The following USP40 variants were observed in gnomAD, a reference collection of about 807,000 sequenced individuals.
The protein encoded by USP40 is ubiquitin carboxyl-terminal hydrolase 40.
Under a neutral mutation model 166.2 loss-of-function variants are expected in USP40, and 143 were observed. That is an observed-to-expected ratio of 0.86 (90% CI 0.75 to 0.99). The LOEUF (loss-of-function observed/expected upper bound fraction) is 0.99. USP40 is among the 50% of genes least tolerant of loss of function. The pLI is 0.00. For synonymous variants in USP40, 498 were observed against 524.0 expected, an observed-to-expected ratio of 0.95 and a Z score of 0.68; for missense variants, 1,444 against 1,479.7, an observed-to-expected ratio of 0.98 and a Z score of 0.40.
At chr2:233,524,855 C>T (rs899516027) in intron 14 of USP40, among the ~76,000 whole-genome samples, 2 of 152,188 alleles carry the variant, frequency 1.3e-5, no homozygotes, top group African/African-American at 4.8e-5. Context: ...ATGGTCCCAA[C>T]TCCACCGATA....
At chr2:233,491,940 T>C (rs570936569) in intron 25 of USP40, among the ~76,000 whole-genome samples, 150 of 152,352 alleles carry the variant, frequency 9.8e-4, no homozygotes, top group South Asian at 6.4e-3. Context: ...CACTAATGCA[T>C]AGCAAGAAAT....
chr2:233,533,926 T>C (rs922469700), intron 10 of USP40, 147 bp from the exon 11 acceptor site: 1 of 827,258 alleles, frequency 1.2e-6, no homozygotes, highest in South Asian at 1.9e-5. Flanking sequence ...AAAATCCATC[T>C]AGGTATCATA....
intron 23 of USP40, 51 bp from the exon 24 acceptor site, chr2:233,496,883 G>C (rs931058494): frequency 1.4e-6 from 2 of 1,414,800 alleles, no homozygotes; most frequent in African/African-American, 1.4e-5. Context: ...GAAAGGAGCA[G>C]ATCATTGATC....
intron 16 of USP40, among the ~76,000 whole-genome samples, chr2:233,521,832 T>G (rs1209991221): frequency 6.6e-6 from 1 of 152,196 alleles, no homozygotes; most frequent in Admixed American, 6.5e-5. Context: ...AGATGCTCCA[T>G]GAAGACTACT....
Position 233,559,895 on chromosome 2 carries a change from G to C in USP40, c.297C>G (p.Arg99=). The C allele has an allele frequency of 6.2e-7, 1 of 1,608,802 alleles. No homozygotes were observed. Among genetic ancestry groups the C allele is most frequent in the South Asian group, 1.1e-5 (1 of 89,530 alleles). The part of the protein sequence containing the change: ...KVRIIPLQLQ[R]LFAQLLLLDQ... ...CTAAGAGCAGAAGCTGAGCAAACAAGCGCTGTAACTGTAAAGGGATGATTC... is the reference window on the plus strand; with the variant it reads ...CTAAGAGCAGAAGCTGAGCAAACAACCGCTGTAACTGTAAAGGGATGATTC... Residue 99 remains arginine (R), a synonymous_variant, in exon 4 of 32, where the codon CGC becomes CGG. Transcript: ENST00000678225.
intron 13 of USP40, 76 bp from the exon 14 acceptor site, chr2:233,525,638 A>T (rs2067970076): frequency 1.9e-5 from 20 of 1,074,668 alleles, no homozygotes; most frequent in Non-Finnish European, 2.6e-5. Context: ...TTACTGTGCC[A>T]ACTCACATAT....
intron 11 of USP40, among the ~76,000 whole-genome samples, chr2:233,530,011 G>A (rs1008803464): frequency 1.3e-5 from 2 of 151,118 alleles, no homozygotes; most frequent in African/African-American, 4.9e-5. Flanking sequence ...TGTTGCCCAG[G>A]CTGGTTTTGA....
chr2:233,491,923 A>G (rs776699725), intron 25 of USP40, among the ~76,000 whole-genome samples: 13 of 152,252 alleles, frequency 8.5e-5, no homozygotes, highest in Admixed American at 2.0e-4. Context: ...TTTACTGCTG[A>G]GCATGCCACT....
Position 233,491,165 on chromosome 2 carries a change from A to G in USP40, c.3012+2T>C. 1 of 1,601,310 alleles carries G rather than the reference A, an allele frequency of 6.2e-7. No individual in the cohort carries two copies. The highest frequency in any genetic ancestry group is 8.5e-7 in the Non-Finnish European group (1 of 1,172,478). Reference sequence around the variant, plus strand: ...AAGTTATGGTGCAGGAAGAAGTCTGACCTGAGACTTCAGCTCCGCCAGCGT... The same window carrying G: ...AAGTTATGGTGCAGGAAGAAGTCTGGCCTGAGACTTCAGCTCCGCCAGCGT... On this transcript the variant is annotated splice_donor_variant, in intron 26 of 31. Coordinates refer to ENST00000678225, the MANE Select transcript of USP40 (RefSeq NM_001365479.2). LOFTEE classifies it high-confidence loss of function.
chr2:233,523,167 TA>T lies in USP40; in HGVS notation c.2201+2del. The T allele has an allele frequency of 6.2e-7, 1 of 1,601,672 alleles. No individual in the cohort carries two copies. The highest frequency in any genetic ancestry group is 8.5e-7 in the Non-Finnish European group (1 of 1,171,144). On this transcript the variant is annotated splice_donor_variant, in intron 16 of 31. Coordinates refer to ENST00000678225, the MANE Select transcript of USP40 (RefSeq NM_001365479.2). LOFTEE classifies it high-confidence loss of function. ...AATCCTTTTTCTCTTGTTAGCGAGT[TA>T]CCTGTTATCATCATGAGAATCCTGA...
rs147247156 is a variant in USP40 at position 233,479,855 on chromosome 2, G to A, written c.3599+1348C>T. 1.5e-3 allele frequency among the ~76,000 whole-genome samples: 221 copies of A among 152,232 alleles called. 1 individual carries two copies. The highest frequency in any genetic ancestry group is 4.7e-3 in the African/African-American group (197 of 41,522). ...CAAAGGCCACGGGACAGTGCTGTCC[G>A]GAAAGCAGCCCAGACCCCGGAGAGC... On this transcript the variant is annotated intron_variant, in intron 31 of 31. Coordinates refer to ENST00000678225, the MANE Select transcript of USP40 (RefSeq NM_001365479.2).
chr2:233,486,031 G>A lies in USP40; in HGVS notation c.3198-54C>T. The A allele has an allele frequency of 1.3e-6, 2 of 1,512,112 alleles. No homozygotes were observed. Among genetic ancestry groups the A allele is most frequent in the Non-Finnish European group, 1.8e-6 (2 of 1,132,692 alleles). The allele number at this position is 1,512,112 out of a possible 1,614,324, so 93.7% of individuals were successfully genotyped here. A position where few individuals can be genotyped will look rare whatever the true frequency, so the allele number is the denominator to read the frequency against. On this transcript the variant is annotated intron_variant, in intron 28 of 31. Transcript: ENST00000678225. This position sits in a 1 kb window ranked among gnomAD's most constrained non-coding sequence, Gnocchi z 4.0. ...TCCAAACAAACAAACAAAACCACGT[G>A]GTAACTTGAGGCATAATGGGCAAAG...
chr2:233,527,178 T>C (rs1559255411), intron 13 of USP40, among the ~76,000 whole-genome samples: 2 of 152,170 alleles, frequency 1.3e-5, no homozygotes, highest in Non-Finnish European at 1.5e-5. Flanking sequence ...AAATAAAATG[T>C]ACCAGGCCTG....
At chr2:233,533,388 T>C (rs1288998634) in intron 11 of USP40, 91 bp downstream of exon 11, 7 of 1,360,424 alleles carry the variant, frequency 5.1e-6, no homozygotes, top group Non-Finnish European at 7.0e-6. Flanking sequence ...GAGTAAACCT[T>C]TTTTTAAAAG....
chr2:233,525,391 G>T, intron 14 of USP40, 87 bp downstream of exon 14: 1 of 895,286 alleles, frequency 1.1e-6, no homozygotes. Context: ...GGTGGGGAAG[G>T]ACTGACAAAG....
At chr2:233,514,104 C>A (rs1310748812) in intron 18 of USP40, among the ~76,000 whole-genome samples, 1 of 152,230 alleles carries the variant, frequency 6.6e-6, no homozygotes, top group Admixed American at 6.5e-5. Flanking sequence ...TTGGTTTTCA[C>A]TGAACAGGTA....
intron 16 of USP40, among the ~76,000 whole-genome samples, chr2:233,522,016 G>C (rs1193441511): frequency 6.6e-6 from 1 of 152,170 alleles, no homozygotes; most frequent in Non-Finnish European, 1.5e-5. Context: ...ACTGAGCAGA[G>C]AAAGACGAAA....
chr2:233,481,335 C>T, intron 30 of USP40, 38 bp from the exon 31 acceptor site: 9 of 1,539,680 alleles, frequency 5.8e-6, no homozygotes, highest in Non-Finnish European at 7.9e-6. Flanking sequence ...TGTTTTCTGA[C>T]ATCTTTTTAG....
At chr2:233,563,209 T>C (rs2071819691) in intron 2 of USP40, among the ~76,000 whole-genome samples, 1 of 152,206 alleles carries the variant, frequency 6.6e-6, no homozygotes. Flanking sequence ...GATCCTCTTT[T>C]ACTCTGAGAT....
Sources: allele counts gnomAD v4.1 joint callset (sites outside exome capture counted in the v4.1 genomes callset), GRCh38; gene constraint gnomAD v4.1.1; non-coding constraint Gnocchi (gnomAD v3.1); transcripts MANE v1.5; gene names NCBI Gene and HGNC (gene_info 2026-07-23, HGNC 2026-07-21).